The following GRM8 variants were observed in gnomAD, a reference collection of about 807,000 sequenced individuals.
GRM8 encodes the protein glutamate metabotropic receptor 8.
In GRM8, 47 loss-of-function variants were observed where a neutral mutation model predicts 87.2. That is an observed-to-expected ratio of 0.54 (90% CI 0.43 to 0.69). The LOEUF (loss-of-function observed/expected upper bound fraction) is 0.69. Among genes scored for constraint, GRM8 ranks in the 30% least tolerant of loss-of-function variants. The pLI is 0.00. For missense variants in GRM8, 1,019 were observed against 1,139.2 expected (o/e 0.89, Z 1.52); for synonymous variants, 396 against 404.5 (o/e 0.98, Z 0.25).
intron 2 of GRM8, chr7:127,112,253 C>T (rs745364201): frequency 2.6e-5 from 4 of 152,318 alleles, no homozygotes; most frequent in African/African-American, 4.8e-5. Context: ...GTAAGTCCTT[C>T]CTGGCCTTTC....
At chr7:126,553,393 A>G (rs11486997) in intron 8 of GRM8, among the ~76,000 whole-genome samples, 48,466 of 152,026 alleles carry the variant, frequency 0.32, 8,396 homozygotes, top group East Asian at 0.44. Flanking sequence ...TTAATTAAAT[A>G]AGCACAATGT....
chr7:127,217,755 T>C (rs972771397), intron 2 of GRM8, among the ~76,000 whole-genome samples: 1 of 152,218 alleles, frequency 6.6e-6, no homozygotes, highest in Non-Finnish European at 1.5e-5. Flanking sequence ...GTAAAACATA[T>C]TGATTCCTTT....
intron 8 of GRM8, among the ~76,000 whole-genome samples, chr7:126,539,070 C>T (rs1020978180): frequency 6.6e-6 from 1 of 151,576 alleles, no homozygotes; most frequent in Non-Finnish European, 1.5e-5. Flanking sequence ...GAGATGATTC[C>T]CAAGCTGAAA....
intron 7 of GRM8, among the ~76,000 whole-genome samples, chr7:126,727,073 T>C (rs148236741): frequency 4.9e-4 from 75 of 152,110 alleles, no homozygotes; most frequent in African/African-American, 1.7e-3. Flanking sequence ...TACTTACGTG[T>C]ATTTAATCAT....
chr7:126,999,904 G>A (rs1413241590), intron 3 of GRM8, among the ~76,000 whole-genome samples: 1 of 151,776 alleles, frequency 6.6e-6, no homozygotes, highest in Non-Finnish European at 1.5e-5. Flanking sequence ...CAAAAGAAAA[G>A]AAATCAGTAT....
intron 2 of GRM8, among the ~76,000 whole-genome samples, chr7:127,221,485 C>T (rs1418553881): frequency 6.6e-6 from 1 of 152,126 alleles, no homozygotes; most frequent in Non-Finnish European, 1.5e-5. Flanking sequence ...CCAGGTTGCC[C>T]GTAGCTCAAG....
intron 8 of GRM8, among the ~76,000 whole-genome samples, chr7:126,576,514 G>A (rs1421589003): frequency 6.6e-6 from 1 of 151,960 alleles, no homozygotes; most frequent in Admixed American, 6.6e-5. Context: ...AACTCCTGAG[G>A]TGAAGCGATT....
intron 8 of GRM8, among the ~76,000 whole-genome samples, chr7:126,592,119 G>A (rs527387535): frequency 1.4e-5 from 2 of 146,542 alleles, no homozygotes; most frequent in Admixed American, 1.4e-4. Flanking sequence ...AATGAGTAAG[G>A]AGATTGAATC....
intron 9 of GRM8, among the ~76,000 whole-genome samples, chr7:126,490,430 C>T (rs950489608): frequency 6.6e-6 from 1 of 152,118 alleles, no homozygotes; most frequent in Non-Finnish European, 1.5e-5. Context: ...CCTTAGAGAG[C>T]TTTGGCAATC....
chr7:126,617,334 T>C (rs1034194616), intron 7 of GRM8, among the ~76,000 whole-genome samples: 31 of 152,204 alleles, frequency 2.0e-4, no homozygotes, highest in African/African-American at 6.8e-4. Context: ...CTGCCTTTCA[T>C]GCTAAAAACT....
chr7:127,193,432 A>G (rs576955580), intron 2 of GRM8, among the ~76,000 whole-genome samples: 3 of 152,282 alleles, frequency 2.0e-5, no homozygotes, highest in African/African-American at 7.2e-5. Flanking sequence ...GGATGACCCA[A>G]TTAGGTCAAA....
intron 2 of GRM8, among the ~76,000 whole-genome samples, chr7:127,149,995 C>G (rs1003900091): frequency 2.0e-5 from 3 of 151,930 alleles, no homozygotes; most frequent in African/African-American, 7.2e-5. Context: ...AAATTGTACT[C>G]TATATGAGAT....
At chr7:127,078,096 T>C (rs1822481247) in intron 3 of GRM8, among the ~76,000 whole-genome samples, 1 of 152,238 alleles carries the variant, frequency 6.6e-6, no homozygotes, top group African/African-American at 2.4e-5. Context: ...TATAGCCATG[T>C]CTATTCAAAT....
chr7:126,477,626 A>C (rs548264320), intron 9 of GRM8, among the ~76,000 whole-genome samples: 27 of 147,380 alleles, frequency 1.8e-4, no homozygotes, highest in South Asian at 4.4e-4. Flanking sequence ...AAAGAAAGAA[A>C]GAAAGAAAGA....
intron 2 of GRM8, among the ~76,000 whole-genome samples, chr7:127,129,156 G>A (rs141325161): frequency 2.5e-4 from 38 of 152,172 alleles, no homozygotes; most frequent in East Asian, 1.4e-3. Flanking sequence ...GCAGGAACCC[G>A]GCTAAAGTCA....
At chr7:126,945,159 A>G (rs1807398105) in intron 3 of GRM8, among the ~76,000 whole-genome samples, 1 of 152,196 alleles carries the variant, frequency 6.6e-6, no homozygotes, top group Admixed American at 6.5e-5. Flanking sequence ...GAGCCATGCA[A>G]GAATGTCCCC....
At chr7:126,648,442 A>G (rs1178211980) in intron 7 of GRM8, among the ~76,000 whole-genome samples, 2 of 152,316 alleles carry the variant, frequency 1.3e-5, no homozygotes, top group East Asian at 1.9e-4. Context: ...TTGCTGTTCA[A>G]AAATATCTGT....
rs143419333 is a variant in GRM8 at position 126,643,871 on chromosome 7, A to T, written c.1358-34373T>A. Reference sequence around the variant, plus strand: ...AAGATCAGAAGCACAGGCTTTGGAAAGTCACTCAACAGTGGGTCACCGAAG... The same window carrying T: ...AAGATCAGAAGCACAGGCTTTGGAATGTCACTCAACAGTGGGTCACCGAAG... On this transcript the variant is annotated intron_variant, in intron 7 of 10. Coordinates refer to ENST00000339582, the MANE Select transcript of GRM8 (RefSeq NM_000845.3). Among the ~76,000 whole-genome samples the T allele has an allele frequency of 2.1e-3, 317 of 152,388 alleles. 3 individuals carry two copies. The highest frequency in any genetic ancestry group is 7.2e-3 in the African/African-American group (298 of 41,594).
intron 6 of GRM8, among the ~76,000 whole-genome samples, chr7:126,807,316 A>G (rs187728960): frequency 1.1e-4 from 16 of 152,334 alleles, no homozygotes; most frequent in Admixed American, 8.5e-4. Context: ...GACTTGAAAA[A>G]AAATGTTCAT....
Sources: allele counts gnomAD v4.1 joint callset (sites outside exome capture counted in the v4.1 genomes callset), GRCh38; gene constraint gnomAD v4.1.1; transcripts MANE v1.5; gene names NCBI Gene and HGNC (gene_info 2026-07-23, HGNC 2026-07-21).